The following CCSER1 variants were observed in gnomAD, a reference collection of about 807,000 sequenced individuals.
CCSER1 encodes coiled-coil serine rich protein 1.
Under a neutral mutation model 82.0 loss-of-function variants are expected in CCSER1, and 41 were observed. The ratio of observed to expected loss-of-function variants is 0.50; its 90% CI spans 0.39 to 0.65. The LOEUF is 0.65. Among genes scored for constraint, CCSER1 ranks in the 30% least tolerant of loss-of-function variants. The pLI, the probability that CCSER1 is intolerant of heterozygous loss-of-function variation, is 0.00. For missense variants in CCSER1, 1,119 were observed against 1,064.2 expected (o/e 1.05, Z -0.72); for synonymous variants, 414 against 383.9 (o/e 1.08, Z -0.92).
rs916050966 is a variant in CCSER1, at chr4:90,574,394, A to G, written c.1725-53631A>G. 1.0e-4 allele frequency among the ~76,000 whole-genome samples: 15 copies of G among 150,038 alleles called. No individual in the cohort carries two copies. In the East Asian group the frequency reaches 1.2e-3, roughly 12 times the overall value. ...CGCCATTCTCCTGCCTCAGCCTCCC[A>G]AGTAGCTGGGACTACAGGCGCCCGC... On this transcript the variant is annotated intron_variant, in intron 5 of 10. Coordinates refer to ENST00000509176, the MANE Select transcript of CCSER1 (RefSeq NM_001145065.2).
chr4:91,302,324 T>G (rs1744729134), intron 10 of CCSER1, among the ~76,000 whole-genome samples: 1 of 152,052 alleles, frequency 6.6e-6, no homozygotes, highest in South Asian at 2.1e-4. Flanking sequence ...CCTCTTTTTC[T>G]CTTCACTGCA....
rs1042735983 is a variant in CCSER1 at position 90,816,043 on chromosome 4, A to T, written c.2094+198A>T. On this transcript the variant is annotated intron_variant, in intron 8 of 10. Transcript: ENST00000509176. Reference sequence around the variant, plus strand: ...TGAAGAATAGAAAGGATGTTTTATAATATATGTGGAAATGTATATGGTTCC... The same window carrying T: ...TGAAGAATAGAAAGGATGTTTTATATTATATGTGGAAATGTATATGGTTCC... 2.0e-5 allele frequency among the ~76,000 whole-genome samples: 3 copies of T among 152,178 alleles called. No individual in the cohort carries two copies. In the South Asian group the frequency reaches 6.2e-4, roughly 31 times the overall value.
chr4:91,180,422 G>A (rs562593942), intron 10 of CCSER1, among the ~76,000 whole-genome samples: 1 of 152,236 alleles, frequency 6.6e-6, no homozygotes, highest in Non-Finnish European at 1.5e-5. Context: ...AGTCTACAGA[G>A]GCAGGCAGGC....
At chr4:91,312,452 G>A (rs1182397071) in intron 10 of CCSER1, among the ~76,000 whole-genome samples, 2 of 151,794 alleles carry the variant, frequency 1.3e-5, no homozygotes, top group African/African-American at 4.8e-5. Context: ...TGCACAGGTT[G>A]CTAGGGATAT....
chr4:90,819,832 G>GATAAAAATA (rs1759505014), intron 8 of CCSER1, among the ~76,000 whole-genome samples: 2 of 152,140 alleles, frequency 1.3e-5, no homozygotes, highest in African/African-American at 4.8e-5. Flanking sequence ...AACAGATCGA[G>GATAAAAATA]ATAAAAATAA....
chr4:91,319,744 C>T, intron 10 of CCSER1: 2 of 455,408 alleles, frequency 4.4e-6, no homozygotes, highest in Non-Finnish European at 8.8e-6. Context: ...GCAGAAGCAC[C>T]ATTTGTTAAT....
intron 1 of CCSER1, among the ~76,000 whole-genome samples, chr4:90,138,769 T>C (rs1724180984): frequency 6.6e-6 from 1 of 152,200 alleles, no homozygotes; most frequent in Non-Finnish European, 1.5e-5. Context: ...TTGTTACATA[T>C]GTATACATGT....
At chr4:91,474,891 T>C (rs1482484426) in intron 10 of CCSER1, among the ~76,000 whole-genome samples, 1 of 151,090 alleles carries the variant, frequency 6.6e-6, no homozygotes, top group Admixed American at 6.6e-5. Context: ...CATGACTCAG[T>C]GTAAAACTGC....
chr4:90,170,706 C>CT (rs1002190496), intron 1 of CCSER1, among the ~76,000 whole-genome samples: 35 of 151,750 alleles, frequency 2.3e-4, no homozygotes, highest in African/African-American at 8.2e-4. Flanking sequence ...GGATCTCATT[C>CT]TTTTTTATGG....
chr4:90,296,943 T>C (rs1266234168), intron 1 of CCSER1, among the ~76,000 whole-genome samples: 3 of 152,214 alleles, frequency 2.0e-5, no homozygotes, highest in African/African-American at 7.2e-5. Context: ...TCCAGCTTTG[T>C]TCTTTTGGCT....
At chr4:90,283,425 A>G (rs539962750) in intron 1 of CCSER1, among the ~76,000 whole-genome samples, 1 of 152,030 alleles carries the variant, frequency 6.6e-6, no homozygotes, top group Non-Finnish European at 1.5e-5. Context: ...ACAAGCATAT[A>G]GCATGCAATG....
intron 10 of CCSER1, among the ~76,000 whole-genome samples, chr4:91,511,421 C>T (rs1422272404): frequency 6.6e-6 from 1 of 152,076 alleles, no homozygotes; most frequent in Non-Finnish European, 1.5e-5. Flanking sequence ...GGTAGTATGG[C>T]CATTTTAATG....
At chr4:90,670,851 G>T (rs1347589545) in intron 6 of CCSER1, among the ~76,000 whole-genome samples, 1 of 151,874 alleles carries the variant, frequency 6.6e-6, no homozygotes, top group African/African-American at 2.4e-5. Context: ...CAAAATCTCT[G>T]GGGGCAAGAG....
At chr4:90,147,655 A>G (rs1366798836) in intron 1 of CCSER1, among the ~76,000 whole-genome samples, 1 of 152,172 alleles carries the variant, frequency 6.6e-6, no homozygotes, top group Non-Finnish European at 1.5e-5. Context: ...TTCATGACAA[A>G]ATTATTTCAG....
At chr4:91,342,896 T>C (rs991077988) in intron 10 of CCSER1, among the ~76,000 whole-genome samples, 2 of 152,124 alleles carry the variant, frequency 1.3e-5, no homozygotes, top group Non-Finnish European at 2.9e-5. Flanking sequence ...CTTGAGAACA[T>C]TCATGTTAAG....
chr4:91,296,821 A>G (rs1560573349), intron 10 of CCSER1, among the ~76,000 whole-genome samples: 1 of 151,682 alleles, frequency 6.6e-6, no homozygotes, highest in Non-Finnish European at 1.5e-5. Context: ...ACCAAAAACC[A>G]CAAATAATGA....
Position 90,957,246 on chromosome 4 carries a change from C to CA in CCSER1, c.2172+33799_2172+33800insA, listed in dbSNP as rs972831237. 2.6e-4 allele frequency among the ~76,000 whole-genome samples: 4 copies of CA among 15,446 alleles called. No individual in the cohort carries two copies. The East Asian group carries it at 9.0e-3, about 35-fold the overall frequency. 10.1% of individuals were successfully genotyped at this position (15,446 alleles called of 152,430 possible). A position where few individuals can be genotyped will look rare whatever the true frequency, so the allele number is the denominator to read the frequency against. On this transcript the variant is annotated intron_variant, in intron 9 of 10. Transcript: ENST00000509176. ...CCTCCCGACTACCTGGGATTACAGG[C>CA]CCCCCCCACCACGTCCAGCTAATTT...
intron 9 of CCSER1, among the ~76,000 whole-genome samples, chr4:90,999,625 T>C (rs1347365725): frequency 1.3e-5 from 2 of 152,118 alleles, no homozygotes; most frequent in African/African-American, 4.8e-5. Context: ...AGATTCTGGA[T>C]ATTAGAACTT....
At chr4:90,898,063 A>T (rs916758759) in intron 8 of CCSER1, among the ~76,000 whole-genome samples, 3 of 151,586 alleles carry the variant, frequency 2.0e-5, no homozygotes, top group Non-Finnish European at 4.4e-5. Context: ...TGTAGGATGT[A>T]TGTTTACTCT....
Sources: gnomAD v4.1 joint callset for allele counts (sites outside exome capture counted in the v4.1 genomes callset) on GRCh38, gnomAD v4.1.1 for gene constraint, MANE v1.5 for transcripts, NCBI Gene and HGNC (gene_info 2026-07-23, HGNC 2026-07-21) for gene names.